AHCYL1: variants seen among roughly 807,000 people sequenced by gnomAD.
AHCYL1 encodes the protein S-adenosylhomocysteine hydrolase-like protein 1.
AHCYL1 carries 20 observed loss-of-function variants against 79.3 expected under a neutral mutation model. That is an observed-to-expected ratio of 0.25 (90% CI 0.18 to 0.37). AHCYL1 has a LOEUF of 0.37. Among genes scored for constraint, AHCYL1 ranks in the 10% least tolerant of loss-of-function variants. AHCYL1 has a pLI of 1.00. For synonymous variants in AHCYL1, 223 were observed against 242.2 expected (o/e 0.92, Z 0.74); for missense variants, 330 against 673.6 (o/e 0.49, Z 5.65).
intron 1 of AHCYL1, 134 bp from the exon 2 acceptor site, chr1:110,008,900 G>A (rs1650841129): frequency 3.3e-6 from 2 of 600,008 alleles, no homozygotes; most frequent in African/African-American, 3.8e-5. Flanking sequence ...CCCATTTCTG[G>A]TGGGAAAGTT....
chr1:110,009,621 C>G (rs1259232117), intron 2 of AHCYL1, among the ~76,000 whole-genome samples: 1 of 152,180 alleles, frequency 6.6e-6, no homozygotes, highest in Non-Finnish European at 1.5e-5. Flanking sequence ...GTTATTCTTT[C>G]TGTTGGAATA....
intron 10 of AHCYL1, among the ~76,000 whole-genome samples, 159 bp downstream of exon 10, chr1:110,017,742 G>A (rs550554642): frequency 2.0e-5 from 3 of 152,290 alleles, no homozygotes; most frequent in African/African-American, 4.8e-5. Context: ...GGCTCTCTGA[G>A]AGCCTCTTGG....
At chr1:110,021,098 G>A (rs142972521) in intron 16 of AHCYL1, among the ~76,000 whole-genome samples, 314 of 152,272 alleles carry the variant, frequency 2.1e-3, no homozygotes, top group African/African-American at 7.4e-3. Flanking sequence ...TCTCTTAGCC[G>A]GGTGTGGTGG....
rs1651012904 is a variant in AHCYL1, at chr1:110,011,344, G to A, written c.363G>A (p.Glu121=). ...KQAEFGRREI[E]IAEQDMSALI... ...CAGAATTTGGACGCCGGGAGATTGAGATTGCAGAGCAAGGTAAAGAAAGGG... is the reference window on the plus strand; with the variant it reads ...CAGAATTTGGACGCCGGGAGATTGAAATTGCAGAGCAAGGTAAAGAAAGGG... Residue 121 remains glutamate, a synonymous_variant, in exon 3 of 17, where the codon GAG becomes GAA. Transcript: ENST00000369799. 1 of 1,614,102 alleles carries A rather than the reference G, an allele frequency of 6.2e-7. No individual in the cohort carries two copies. The highest frequency in any genetic ancestry group is 8.5e-7 in the Non-Finnish European group (1 of 1,179,988).
chr1:110,012,611 G>C (rs1189353700), intron 4 of AHCYL1, 149 bp downstream of exon 4: 1 of 687,298 alleles, frequency 1.5e-6, no homozygotes, highest in East Asian at 3.2e-5. Context: ...GGGTTTTCTG[G>C]GTTTTTTTTT....
chr1:110,017,906 C>T (rs1031331552), intron 10 of AHCYL1, 40 bp from the exon 11 acceptor site: 8 of 1,602,570 alleles, frequency 5.0e-6, no homozygotes, highest in Middle Eastern at 1.7e-4. Flanking sequence ...CTCCCACTGC[C>T]TTCTTGCTTT....
chr1:110,003,851 T>C (rs1242086339), intron 1 of AHCYL1: 2 of 901,262 alleles, frequency 2.2e-6, no homozygotes, highest in Non-Finnish European at 1.3e-6. Context: ...TTTTCTAACT[T>C]CTTATGTTTA....
At chr1:109,999,252 C>T (rs935727248) in intron 1 of AHCYL1, among the ~76,000 whole-genome samples, 3 of 152,076 alleles carry the variant, frequency 2.0e-5, no homozygotes, top group Non-Finnish European at 4.4e-5. Flanking sequence ...ATATCCATCA[C>T]CTCATAGTTA....
At position 110,020,977 on chromosome 1, in the gene AHCYL1, G is replaced by A. The variant is rs1651758056; in HGVS notation, c.1586+126G>A. On this transcript the variant is annotated intron_variant, in intron 16 of 16. Transcript: ENST00000369799. ...GAAGAATACAAGAAATCTGTTCCAG[G>A]CCAGGCACGGTGGCTCACGCCTGTA... 2.1e-6 allele frequency: 3 copies of A among 1,396,352 alleles called. No homozygotes were observed. In the Admixed American group the frequency reaches 7.9e-5, roughly 37 times the overall value. 86.5% of individuals were successfully genotyped at this position (1,396,352 alleles called of 1,614,324 possible).
chr1:110,008,393 T>C lies in AHCYL1; in HGVS notation c.121-641T>C, dbSNP rs139641271. On this transcript the variant is annotated intron_variant, in intron 1 of 16. Coordinates refer to ENST00000369799, the MANE Select transcript of AHCYL1 (RefSeq NM_006621.7). ...AGTCCTAATGAGTTAGAATTTACTA[T>C]AGTGTATGTGGGTTTTTAATTTTCT... Among the ~76,000 whole-genome samples, 802 of 152,312 alleles carry C rather than the reference T, an allele frequency of 5.3e-3. 6 individuals carry two copies. Among genetic ancestry groups the C allele is most frequent in the Middle Eastern group, 0.01 (3 of 294 alleles).
At position 110,021,831 on chromosome 1, in the gene AHCYL1, C is replaced by CAT. The variant is rs1262494950; in HGVS notation, c.*152_*153insTA. 4.0e-6 allele frequency: 3 copies of CAT among 756,364 alleles called. No individual in the cohort carries two copies. Among genetic ancestry groups the CAT allele is most frequent in the Non-Finnish European group, 4.1e-6 (2 of 483,116 alleles). The allele number at this position is 756,364 out of a possible 1,614,324, so 46.9% of individuals were successfully genotyped here. A position where few individuals can be genotyped will look rare whatever the true frequency, so the allele number is the denominator to read the frequency against. ...TTTTCATCTCATTATCCAAGTTCTG[C>CAT]AGACCACACAGGAACTTGCTTCATG... On this transcript the variant is annotated 3_prime_UTR_variant, in exon 17 of 17. Coordinates refer to ENST00000369799, the MANE Select transcript of AHCYL1 (RefSeq NM_006621.7).
At chr1:110,018,215 C>A (rs915957582) in intron 11 of AHCYL1, among the ~76,000 whole-genome samples, 158 bp from the exon 12 acceptor site, 2 of 152,124 alleles carry the variant, frequency 1.3e-5, no homozygotes, top group Admixed American at 6.5e-5. Flanking sequence ...GATCTGAAGA[C>A]CAGATAGCCT....
intron 1 of AHCYL1, chr1:110,000,877 A>T: frequency 1.2e-6 from 1 of 819,304 alleles, no homozygotes; most frequent in Non-Finnish European, 1.5e-6. Context: ...AAAGGATTCT[A>T]GAATGTTTTG....
At chr1:109,992,365 G>A (rs573733419) in intron 1 of AHCYL1, among the ~76,000 whole-genome samples, 3 of 140,484 alleles carry the variant, frequency 2.1e-5, no homozygotes, top group Admixed American at 7.9e-5. Flanking sequence ...AGCCAAGATC[G>A]CACCACTGTA....
chr1:110,004,815 C>T (rs1020467098), intron 1 of AHCYL1, among the ~76,000 whole-genome samples: 9 of 151,970 alleles, frequency 5.9e-5, no homozygotes, highest in Admixed American at 6.5e-5. Flanking sequence ...ATATTCTCTT[C>T]CTTTCCTCTG....
chr1:110,009,428 A>G (rs1379779642), intron 2 of AHCYL1, among the ~76,000 whole-genome samples: 1 of 152,210 alleles, frequency 6.6e-6, no homozygotes, highest in East Asian at 1.9e-4. Flanking sequence ...TGATCCGCCC[A>G]TTTCAAAAGG....
intron 1 of AHCYL1, among the ~76,000 whole-genome samples, chr1:109,996,762 A>T (rs973203536): frequency 2.0e-5 from 3 of 152,346 alleles, no homozygotes; most frequent in African/African-American, 7.2e-5. Context: ...GGAATTTTTC[A>T]GCTCTATCAT....
intron 5 of AHCYL1, 150 bp from the exon 6 acceptor site, chr1:110,014,613 C>A: frequency 1.8e-6 from 1 of 561,086 alleles, no homozygotes; most frequent in African/African-American, 1.9e-5. Context: ...ATTTCTGAAC[C>A]AAAAGTGATT....
intron 1 of AHCYL1, 151 bp downstream of exon 1, chr1:109,985,323 C>T (rs1649408704): frequency 1.5e-6 from 2 of 1,348,334 alleles, no homozygotes; most frequent in South Asian, 1.8e-5. Context: ...GGCCCCAGGC[C>T]TCTCCCGGGC....
Sources: gnomAD v4.1 joint callset for allele counts (sites outside exome capture counted in the v4.1 genomes callset) on GRCh38, gnomAD v4.1.1 for gene constraint, MANE v1.5 for transcripts, NCBI Gene and HGNC (gene_info 2026-07-23, HGNC 2026-07-21) for gene names.